The following RASGRF2 variants were observed in gnomAD, a reference collection of about 807,000 sequenced individuals.
RASGRF2 encodes the protein ras-specific guanine nucleotide-releasing factor 2.
A neutral mutation model predicts 151.0 loss-of-function variants in RASGRF2; 76 were observed. The observed-to-expected ratio is 0.50, with a 90% confidence interval of 0.42 to 0.61. The LOEUF is 0.61. Ranked by LOEUF, RASGRF2 falls within the 20% of genes least tolerant of loss-of-function variation. The pLI, the probability that RASGRF2 is intolerant of heterozygous loss-of-function variation, is 0.00. For synonymous variants in RASGRF2, 504 were observed against 566.5 expected, an observed-to-expected ratio of 0.89 and a Z score of 1.57; for missense variants, 1,148 against 1,564.6, an observed-to-expected ratio of 0.73 and a Z score of 4.49.
chr5:81,066,421 A>G (rs1356337187), intron 2 of RASGRF2, among the ~76,000 whole-genome samples: 3 of 152,190 alleles, frequency 2.0e-5, no homozygotes, highest in Non-Finnish European at 2.9e-5. Context: ...GTTCCAAGCA[A>G]CACAAACCAA....
chr5:81,167,756 A>G (rs10474652), intron 17 of RASGRF2, among the ~76,000 whole-genome samples: 3 of 152,096 alleles, frequency 2.0e-5, no homozygotes, highest in Non-Finnish European at 4.4e-5. Context: ...GGAAAGATCA[A>G]AGGTGGGGAG....
intron 15 of RASGRF2, among the ~76,000 whole-genome samples, chr5:81,116,712 C>A (rs1174188152): frequency 6.6e-6 from 1 of 152,162 alleles, no homozygotes; most frequent in African/African-American, 2.4e-5. Flanking sequence ...CCCCTGGCAA[C>A]CAGCTTTCTA....
intron 1 of RASGRF2, among the ~76,000 whole-genome samples, chr5:81,018,048 G>T (rs772760395): frequency 1.3e-5 from 2 of 152,006 alleles, no homozygotes; most frequent in Admixed American, 6.6e-5. Flanking sequence ...GGCAGCAGTT[G>T]CAGTGAGCCA....
At chr5:80,963,780 A>T (rs1318711579) in intron 1 of RASGRF2, among the ~76,000 whole-genome samples, 1 of 152,222 alleles carries the variant, frequency 6.6e-6, no homozygotes. Flanking sequence ...GGAGGGCGAC[A>T]TATTTATTGT....
intron 1 of RASGRF2, among the ~76,000 whole-genome samples, chr5:80,969,522 C>G (rs1418741098): frequency 6.6e-6 from 1 of 151,220 alleles, no homozygotes; most frequent in South Asian, 2.1e-4. Context: ...GATCTTGGCT[C>G]ACTGCAAGCT....
chr5:81,047,102 T>A (rs26605), intron 2 of RASGRF2, among the ~76,000 whole-genome samples: 126,026 of 152,148 alleles, frequency 0.83, 53,209 homozygotes, highest in Non-Finnish European at 0.92. Flanking sequence ...GGTGTCACTC[T>A]TTGGGAGAAG....
At chr5:80,982,348 T>A (rs1748329055) in intron 1 of RASGRF2, among the ~76,000 whole-genome samples, 1 of 152,120 alleles carries the variant, frequency 6.6e-6, no homozygotes, top group South Asian at 2.1e-4. Flanking sequence ...CTATACATAT[T>A]CTTGGAAGGG....
chr5:81,175,462 T>C (rs1368095081), intron 17 of RASGRF2, among the ~76,000 whole-genome samples: 1 of 151,926 alleles, frequency 6.6e-6, no homozygotes, highest in East Asian at 1.9e-4. Flanking sequence ...TTTAGAAAAA[T>C]ATCTACTGGG....
chr5:81,049,485 C>T (rs1044326913), intron 2 of RASGRF2, among the ~76,000 whole-genome samples: 3 of 152,134 alleles, frequency 2.0e-5, no homozygotes, highest in Non-Finnish European at 4.4e-5. Flanking sequence ...TCTCTCCCTC[C>T]TGATTCTCCC....
intron 1 of RASGRF2, among the ~76,000 whole-genome samples, chr5:80,961,856 G>A (rs1328336594): frequency 6.6e-6 from 1 of 152,148 alleles, no homozygotes; most frequent in East Asian, 1.9e-4. Flanking sequence ...CAAACACAAA[G>A]TTTGTATGTT....
chr5:81,128,830 G>A (rs1456503368), intron 17 of RASGRF2, among the ~76,000 whole-genome samples: 2 of 152,104 alleles, frequency 1.3e-5, no homozygotes, highest in Admixed American at 1.3e-4. Context: ...AGGATATTAT[G>A]TTAAAATAAA....
intron 1 of RASGRF2, among the ~76,000 whole-genome samples, chr5:81,039,974 G>A (rs1290090681): frequency 6.6e-6 from 1 of 152,010 alleles, no homozygotes; most frequent in African/African-American, 2.4e-5. Context: ...TACTCATATG[G>A]CTTAATTTTT....
At chr5:81,116,095 T>TTTTTTTTTTA (rs1561214528) in intron 15 of RASGRF2, among the ~76,000 whole-genome samples, 1 of 122,212 alleles carries the variant, frequency 8.2e-6, no homozygotes, top group Non-Finnish European at 1.7e-5. Context: ...TTTTTTTTTT[T>TTTTTTTTTTA]TTTTTGAGAT....
At chr5:81,084,511 G>A (rs571306253) in intron 7 of RASGRF2, among the ~76,000 whole-genome samples, 64 of 152,298 alleles carry the variant, frequency 4.2e-4, no homozygotes, top group Non-Finnish European at 5.7e-4. Flanking sequence ...GATGAAGGGG[G>A]CCTATTTGTG....
intron 1 of RASGRF2, among the ~76,000 whole-genome samples, chr5:81,018,394 T>A (rs1227425219): frequency 6.6e-6 from 1 of 152,168 alleles, no homozygotes; most frequent in African/African-American, 2.4e-5. Flanking sequence ...TATCCTACAG[T>A]GGCAGCAAGT....
intron 24 of RASGRF2, 132 bp from the exon 25 acceptor site, chr5:81,217,224 C>A: frequency 1.5e-6 from 2 of 1,343,130 alleles, no homozygotes; most frequent in Non-Finnish European, 2.0e-6. Context: ...GAATATGCTT[C>A]TGAAACTGAA....
intron 5 of RASGRF2, among the ~76,000 whole-genome samples, chr5:81,074,771 G>A (rs1751887552): frequency 1.3e-5 from 2 of 152,052 alleles, no homozygotes; most frequent in East Asian, 1.9e-4. Context: ...TCAAGGATAC[G>A]GTGACATTCG....
intron 5 of RASGRF2, among the ~76,000 whole-genome samples, chr5:81,075,425 A>C (rs72769298): frequency 0.062 from 9,455 of 152,176 alleles, 368 homozygotes; most frequent in South Asian, 0.14. Flanking sequence ...AGGTGTGGAA[A>C]GGTCATTCCT....
chr5:81,021,004 G>A (rs765617849), intron 1 of RASGRF2, among the ~76,000 whole-genome samples: 30 of 152,186 alleles, frequency 2.0e-4, no homozygotes, highest in Non-Finnish European at 3.4e-4. Flanking sequence ...CGATGTGAAC[G>A]CACCACAGAT....
Sources: allele counts gnomAD v4.1 joint callset (sites outside exome capture counted in the v4.1 genomes callset), GRCh38; gene constraint gnomAD v4.1.1; transcripts MANE v1.5; gene names NCBI Gene and HGNC (gene_info 2026-07-23, HGNC 2026-07-21).